ZBTB20: variants seen among roughly 807,000 people sequenced by gnomAD.
ZBTB20 encodes zinc finger and BTB domain-containing protein 20.
In ZBTB20, 9 loss-of-function variants were observed where a neutral mutation model predicts 56.9. That is an observed-to-expected ratio of 0.16 (90% confidence interval 0.10 to 0.28). The LOEUF (loss-of-function observed/expected upper bound fraction) is 0.28. Among genes scored for constraint, ZBTB20 ranks in the 10% least tolerant of loss-of-function variants. The probability of loss-of-function intolerance (pLI) is 1.00; values close to 1 mark genes in which losing one functional copy is unlikely to be tolerated. For synonymous variants in ZBTB20, 417 were observed against 420.7 expected, an observed-to-expected ratio of 0.99 and a Z score of 0.11; for missense variants, 655 against 1,003.0, an observed-to-expected ratio of 0.65 and a Z score of 4.69.
chr3:114,408,946 G>T (rs1227286232), intron 7 of ZBTB20, among the ~76,000 whole-genome samples: 1 of 151,932 alleles, frequency 6.6e-6, no homozygotes, highest in Non-Finnish European at 1.5e-5. Context: ...TCCGCTCCTG[G>T]TGTGCTCTGT....
At chr3:114,550,471 A>G (rs182093759) in intron 6 of ZBTB20, among the ~76,000 whole-genome samples, 28 of 152,316 alleles carry the variant, frequency 1.8e-4, no homozygotes, top group Admixed American at 1.3e-3. Flanking sequence ...AGCTTTGAGT[A>G]AGCCTGATGC....
chr3:115,084,792 T>C (rs1038635284), intron 1 of ZBTB20, among the ~76,000 whole-genome samples: 3 of 152,008 alleles, frequency 2.0e-5, no homozygotes, highest in African/African-American at 7.2e-5. Flanking sequence ...ACAAATATGT[T>C]GAGACTTAGA....
At chr3:114,648,716 C>T (rs982807898) in intron 6 of ZBTB20, among the ~76,000 whole-genome samples, 2 of 151,948 alleles carry the variant, frequency 1.3e-5, no homozygotes, top group Non-Finnish European at 2.9e-5. Flanking sequence ...GTTAGCCCTA[C>T]TGGAATTTGT....
chr3:114,488,122 C>G (rs2042339370), intron 7 of ZBTB20, among the ~76,000 whole-genome samples: 1 of 152,292 alleles, frequency 6.6e-6, no homozygotes, highest in South Asian at 2.1e-4. Flanking sequence ...TGAATACTTA[C>G]CACCTCCCAA....
intron 4 of ZBTB20, among the ~76,000 whole-genome samples, chr3:114,822,191 T>C (rs1447241613): frequency 6.6e-6 from 1 of 152,136 alleles, no homozygotes; most frequent in Non-Finnish European, 1.5e-5. Flanking sequence ...ACAGAAGTTG[T>C]ATGGCACTTG....
intron 6 of ZBTB20, among the ~76,000 whole-genome samples, chr3:114,510,132 A>T (rs1239849510): frequency 2.0e-5 from 3 of 152,198 alleles, no homozygotes; most frequent in Admixed American, 2.0e-4. Flanking sequence ...CTCAAAAATA[A>T]GGCTAGTATC....
chr3:114,431,458 A>T (rs963278971), intron 7 of ZBTB20, among the ~76,000 whole-genome samples: 2 of 152,242 alleles, frequency 1.3e-5, no homozygotes, highest in Admixed American at 1.3e-4. Context: ...AATGCAAGAA[A>T]AAGGTGCATT....
intron 7 of ZBTB20, among the ~76,000 whole-genome samples, chr3:114,499,071 T>G (rs2043632045): frequency 6.6e-6 from 1 of 152,174 alleles, no homozygotes; most frequent in Non-Finnish European, 1.5e-5. Context: ...GCTAGGTAAC[T>G]GAGGGGAGGG....
chr3:114,728,588 T>G (rs929607680), intron 5 of ZBTB20, among the ~76,000 whole-genome samples: 6 of 152,236 alleles, frequency 3.9e-5, no homozygotes, highest in Non-Finnish European at 7.3e-5. Flanking sequence ...AACTCTCAGT[T>G]GTAACCATCG....
At chr3:114,677,286 A>T (rs2061684118) in intron 6 of ZBTB20, among the ~76,000 whole-genome samples, 1 of 152,172 alleles carries the variant, frequency 6.6e-6, no homozygotes, top group Non-Finnish European at 1.5e-5. Flanking sequence ...CTTGCACTTA[A>T]CAATAAACTA....
At chr3:114,676,465 A>C (rs1056177884) in intron 6 of ZBTB20, among the ~76,000 whole-genome samples, 1 of 152,134 alleles carries the variant, frequency 6.6e-6, no homozygotes, top group African/African-American at 2.4e-5. Context: ...ATTGATTTTT[A>C]TCTCTTAATA....
intron 5 of ZBTB20, among the ~76,000 whole-genome samples, chr3:114,735,967 A>G (rs1451548647): frequency 2.0e-5 from 3 of 152,304 alleles, no homozygotes; most frequent in South Asian, 2.1e-4. Flanking sequence ...ACACTTAAGT[A>G]TAAGTCAAGA....
At chr3:114,854,764 C>T (rs891839044) in intron 4 of ZBTB20, among the ~76,000 whole-genome samples, 1 of 152,088 alleles carries the variant, frequency 6.6e-6, no homozygotes, top group Non-Finnish European at 1.5e-5. Context: ...GTATATTTTG[C>T]TTATTTCTGT....
chr3:115,068,574 CATG>C (rs1427378246), intron 2 of ZBTB20, among the ~76,000 whole-genome samples: 2 of 151,936 alleles, frequency 1.3e-5, no homozygotes, highest in Non-Finnish European at 2.9e-5. Flanking sequence ...ATTCCAATGC[CATG>C]ATAAGGCACG....
chr3:114,664,155 C>T (rs1223288743), intron 6 of ZBTB20, among the ~76,000 whole-genome samples: 1 of 151,996 alleles, frequency 6.6e-6, no homozygotes, highest in Non-Finnish European at 1.5e-5. Context: ...TTTAAGACTT[C>T]CCTGAGGCTA....
chr3:114,967,512 T>G (rs980183071), intron 3 of ZBTB20, among the ~76,000 whole-genome samples: 1 of 152,280 alleles, frequency 6.6e-6, no homozygotes, highest in East Asian at 1.9e-4. Context: ...CCATGCTACT[T>G]CAAATGGTCT....
At chr3:115,131,987 T>G (rs1221815199) in intron 1 of ZBTB20, among the ~76,000 whole-genome samples, 2 of 152,162 alleles carry the variant, frequency 1.3e-5, no homozygotes, top group African/African-American at 4.8e-5. Context: ...TACAAGTCCC[T>G]CCTCATTGCT....
Position 114,324,356 on chromosome 3 carries a change from G to A in ZBTB20, c.*14649C>T, listed in dbSNP as rs2078993613. ...ACGGTCCTAAATTTAACAGTGCTGGGCTTTTATTTTTGAATAGTGCAATCA... is the reference window on the plus strand; with the variant it reads ...ACGGTCCTAAATTTAACAGTGCTGGACTTTTATTTTTGAATAGTGCAATCA... On this transcript the variant is annotated 3_prime_UTR_variant, in exon 12 of 12. Transcript: ENST00000675478. The A allele has an allele frequency of 6.6e-6, 1 of 152,122 alleles. No individual in the cohort carries two copies. The highest frequency in any genetic ancestry group is 6.6e-5 in the Admixed American group (1 of 15,264). The allele number at this position is 152,122 out of a possible 1,614,324, so 9.4% of individuals were successfully genotyped here. A position where few individuals can be genotyped will look rare whatever the true frequency, so the allele number is the denominator to read the frequency against.
chr3:115,013,078 G>A (rs947897074), intron 2 of ZBTB20, among the ~76,000 whole-genome samples: 1 of 151,426 alleles, frequency 6.6e-6, no homozygotes, highest in Non-Finnish European at 1.5e-5. Flanking sequence ...GTACTAAGAG[G>A]GAAGTTTATA....
Sources: gnomAD v4.1 joint callset for allele counts (sites outside exome capture counted in the v4.1 genomes callset) on GRCh38, gnomAD v4.1.1 for gene constraint, MANE v1.5 for transcripts, NCBI Gene and HGNC (gene_info 2026-07-23, HGNC 2026-07-21) for gene names.